The following DPP10 variants were observed in gnomAD, a reference collection of about 807,000 sequenced individuals.
The protein encoded by DPP10 is inactive dipeptidyl peptidase 10.
Under a neutral mutation model 120.9 loss-of-function variants are expected in DPP10, and 33 were observed. The observed-to-expected ratio is 0.27, with a 90% CI of 0.21 to 0.37. The LOEUF is 0.37. Among genes scored for constraint, DPP10 ranks in the 10% least tolerant of loss-of-function variants. The pLI is 1.00. For missense variants in DPP10, 816 were observed against 942.8 expected (o/e 0.87, Z 1.76); for synonymous variants, 337 against 326.1 (o/e 1.03, Z -0.36).
At chr2:115,816,730 C>T (rs557891940) in intron 21 of DPP10, among the ~76,000 whole-genome samples, 1 of 149,872 alleles carries the variant, frequency 6.7e-6, no homozygotes, top group Non-Finnish European at 1.5e-5. Flanking sequence ...GATTCTCCTG[C>T]ATCAGCCTCC....
chr2:115,378,961 T>G (rs919775254), intron 3 of DPP10, among the ~76,000 whole-genome samples: 2 of 152,240 alleles, frequency 1.3e-5, no homozygotes, highest in African/African-American at 4.8e-5. Flanking sequence ...TGCCACTATT[T>G]TATTGAGGAT....
intron 1 of DPP10, among the ~76,000 whole-genome samples, chr2:114,824,298 A>G (rs936250238): frequency 1.3e-5 from 2 of 152,242 alleles, no homozygotes; most frequent in Admixed American, 6.5e-5. Flanking sequence ...CTGAGATAAT[A>G]GTATGTGACT....
At chr2:114,497,299 A>G (rs1436781772) in intron 1 of DPP10, among the ~76,000 whole-genome samples, 1 of 56,628 alleles carries the variant, frequency 1.8e-5, no homozygotes, top group South Asian at 4.1e-4. Context: ...ATGTACATGT[A>G]TACGTGTATA....
chr2:115,041,111 TCAAAA>T (rs1406548884), intron 1 of DPP10, among the ~76,000 whole-genome samples: 8 of 36,352 alleles, frequency 2.2e-4, no homozygotes, highest in Admixed American at 3.7e-4. Flanking sequence ...AGAGCCTAGC[TCAAAA>T]CAAAAAAAAA....
chr2:115,023,975 AAG>A (rs1703266262), intron 1 of DPP10, among the ~76,000 whole-genome samples: 1 of 152,100 alleles, frequency 6.6e-6, no homozygotes, highest in South Asian at 2.1e-4. Context: ...GCAAAGGGAT[AAG>A]ACTAATACAT....
chr2:115,513,697 C>A (rs1462834376), intron 4 of DPP10, among the ~76,000 whole-genome samples: 1 of 151,996 alleles, frequency 6.6e-6, no homozygotes, highest in Non-Finnish European at 1.5e-5. Flanking sequence ...AATTTTCATA[C>A]AAGTTATATC....
chr2:114,832,208 T>G (rs1687196280), intron 1 of DPP10, among the ~76,000 whole-genome samples: 2 of 152,232 alleles, frequency 1.3e-5, no homozygotes, highest in Non-Finnish European at 2.9e-5. Context: ...GACTATAGTT[T>G]TCTTAGATCT....
chr2:115,050,647 T>C (rs2105341984), intron 1 of DPP10, among the ~76,000 whole-genome samples: 1 of 152,318 alleles, frequency 6.6e-6, no homozygotes, highest in South Asian at 2.1e-4. Flanking sequence ...TCACATATTC[T>C]GGGAATCCAG....
intron 3 of DPP10, among the ~76,000 whole-genome samples, chr2:115,423,884 T>C (rs572211461): frequency 7.2e-5 from 11 of 152,170 alleles, no homozygotes; most frequent in Non-Finnish European, 1.3e-4. Flanking sequence ...TGGGTTTATC[T>C]TTGGCAAAAG....
chr2:115,817,387 C>A lies in DPP10; in HGVS notation c.1950+1658C>A, dbSNP rs116784791. 4.2e-3 allele frequency among the ~76,000 whole-genome samples: 640 copies of A among 152,254 alleles called. 8 individuals are homozygous for A. The highest frequency in any genetic ancestry group is 0.015 in the African/African-American group (603 of 41,564). ...TCATAAGTAACCTAGAGATCCATGACATAAAATAACTGGTAAGTTTAATTG... is the reference window on the plus strand; with the variant it reads ...TCATAAGTAACCTAGAGATCCATGAAATAAAATAACTGGTAAGTTTAATTG... On this transcript the variant is annotated intron_variant, in intron 21 of 25. Transcript: ENST00000410059.
intron 1 of DPP10, among the ~76,000 whole-genome samples, chr2:114,545,080 G>A (rs892404512): frequency 3.3e-5 from 5 of 152,062 alleles, no homozygotes; most frequent in African/African-American, 1.2e-4. Context: ...TGGATCTCTT[G>A]ACCTCGTGAT....
intron 1 of DPP10, among the ~76,000 whole-genome samples, chr2:114,902,715 C>T (rs967055081): frequency 1.3e-5 from 2 of 152,162 alleles, no homozygotes; most frequent in Non-Finnish European, 2.9e-5. Context: ...ACTACGAGCT[C>T]GCACACATAT....
intron 1 of DPP10, among the ~76,000 whole-genome samples, chr2:114,591,089 C>T (rs78499911): frequency 0.12 from 18,819 of 152,098 alleles, 1,290 homozygotes; most frequent in East Asian, 0.23. Flanking sequence ...AGGGGACATC[C>T]CATGCAGAGC....
intron 19 of DPP10, among the ~76,000 whole-genome samples, chr2:115,801,761 C>G (rs1040688341): frequency 6.6e-6 from 1 of 151,990 alleles, no homozygotes; most frequent in African/African-American, 2.4e-5. Context: ...GTTGAACCAG[C>G]CTTGCATCCC....
intron 15 of DPP10, 50 bp downstream of exon 15, chr2:115,777,884 A>G (rs1332774249): frequency 6.3e-7 from 1 of 1,578,430 alleles, no homozygotes; most frequent in Non-Finnish European, 8.7e-7. Flanking sequence ...CTCAATGGCT[A>G]TCTATGTAGC....
intron 5 of DPP10, among the ~76,000 whole-genome samples, chr2:115,647,771 A>C (rs970786597): frequency 6.6e-6 from 1 of 152,152 alleles, no homozygotes; most frequent in African/African-American, 2.4e-5. Flanking sequence ...AACTAGGGCA[A>C]GCCTCCCTAA....
intron 13 of DPP10, among the ~76,000 whole-genome samples, 165 bp from the exon 14 acceptor site, chr2:115,777,043 T>A (rs1682185338): frequency 6.6e-6 from 1 of 152,114 alleles, no homozygotes; most frequent in African/African-American, 2.4e-5. Flanking sequence ...TGCCTTGATC[T>A]GTGTTTATAG....
intron 4 of DPP10, among the ~76,000 whole-genome samples, chr2:115,515,883 G>T (rs897807843): frequency 3.3e-5 from 5 of 151,932 alleles, no homozygotes; most frequent in African/African-American, 1.2e-4. Flanking sequence ...GAAATAAAAT[G>T]AATAATGAAA....
intron 1 of DPP10, among the ~76,000 whole-genome samples, chr2:114,473,920 A>C (rs937369029): frequency 3.9e-5 from 6 of 152,190 alleles, no homozygotes; most frequent in Non-Finnish European, 7.3e-5. Context: ...CAAAAGCTTA[A>C]AAGAATGATT....
Sources: gnomAD v4.1 joint callset for allele counts (sites outside exome capture counted in the v4.1 genomes callset) on GRCh38, gnomAD v4.1.1 for gene constraint, MANE v1.5 for transcripts, NCBI Gene and HGNC (gene_info 2026-07-23, HGNC 2026-07-21) for gene names.